The following PRDM10 variants were observed in gnomAD, a reference collection of about 807,000 sequenced individuals.
PRDM10 encodes the protein PR/SET domain 10.
A neutral mutation model predicts 133.1 loss-of-function variants in PRDM10; 65 were observed. The ratio of observed to expected loss-of-function variants is 0.49; its 90% CI spans 0.40 to 0.60. The LOEUF (loss-of-function observed/expected upper bound fraction) is 0.60, where lower values mean the gene tolerates loss of function less well. Among genes scored for constraint, PRDM10 ranks in the 20% least tolerant of loss-of-function variants. The pLI, the probability that PRDM10 is intolerant of heterozygous loss-of-function variation, is 0.00. For synonymous variants in PRDM10, 582 were observed against 580.4 expected (o/e 1.00, Z -0.04); for missense variants, 1,137 against 1,507.1 (o/e 0.75, Z 4.07).
At chr11:129,920,387 T>C (rs1950488766) in intron 13 of PRDM10, among the ~76,000 whole-genome samples, 1 of 152,152 alleles carries the variant, frequency 6.6e-6, no homozygotes, top group Non-Finnish European at 1.5e-5. Context: ...CCTCTCAAGC[T>C]GCAAATCTCC....
chr11:129,998,954 C>T (rs1429884714), intron 1 of PRDM10, among the ~76,000 whole-genome samples: 1 of 151,596 alleles, frequency 6.6e-6, no homozygotes, highest in Non-Finnish European at 1.5e-5. Flanking sequence ...TCCTGAGTAG[C>T]TGAGACTACA....
intron 1 of PRDM10, among the ~76,000 whole-genome samples, chr11:129,966,273 C>G (rs559766360): frequency 6.6e-6 from 1 of 152,074 alleles, no homozygotes; most frequent in South Asian, 2.1e-4. Flanking sequence ...AATAAAAAAT[C>G]CAAATTACCT....
At chr11:129,951,416 CCT>C (rs1310985925) in intron 4 of PRDM10, among the ~76,000 whole-genome samples, 1 of 152,156 alleles carries the variant, frequency 6.6e-6, no homozygotes, top group Non-Finnish European at 1.5e-5. Flanking sequence ...CACACATGTC[CCT>C]GAGGTCATAG....
At chr11:129,949,457 T>C (rs1174624985) in intron 4 of PRDM10, among the ~76,000 whole-genome samples, 1 of 152,226 alleles carries the variant, frequency 6.6e-6, no homozygotes, top group Non-Finnish European at 1.5e-5. Context: ...CTCCTCAAAT[T>C]TAAAAGATCG....
In PRDM10 at chr11:129,932,157, A is replaced by T. The variant is rs2135818194; in HGVS notation, c.1232T>A (p.Phe411Tyr). 6.2e-7 allele frequency: 1 copy of T among 1,613,922 alleles called. No homozygotes were observed. Among genetic ancestry groups the T allele is most frequent in the East Asian group, 2.2e-5 (1 of 44,882 alleles). The change falls in exon 10 of 21, where the codon TTT (phenylalanine) becomes TAT (tyrosine). Residue 411 changes from phenylalanine (F) to tyrosine (Y), a missense_variant. Coordinates refer to ENST00000360871, the MANE Select transcript of PRDM10 (RefSeq NM_199437.2). ...PGRRPGRPPK[F>Y]IRLEITSENG... The stretch of plus-strand genomic sequence containing the variant: ...TTCGCTGGTGATTTCCAGGCGGATA[A>T]ATTTTGGAGGACGCCCCGGCCGTCG...
chr11:129,931,974 A>G (rs1276033654), intron 10 of PRDM10, 128 bp downstream of exon 10: 1 of 1,205,200 alleles, frequency 8.3e-7, no homozygotes, highest in Non-Finnish European at 1.1e-6. Flanking sequence ...TCTTTAATTA[A>G]CAGGCAGCAA....
At chr11:129,958,041 T>G in intron 2 of PRDM10, 131 bp from the exon 3 acceptor site, 1 of 1,061,256 alleles carries the variant, frequency 9.4e-7, no homozygotes. Context: ...TACACCGAGG[T>G]GGTGACTAGG....
intron 2 of PRDM10, among the ~76,000 whole-genome samples, chr11:129,960,278 G>T (rs1421861494): frequency 6.6e-6 from 1 of 152,148 alleles, no homozygotes; most frequent in Non-Finnish European, 1.5e-5. Flanking sequence ...CATAAAACAT[G>T]GCTCCATATG....
chr11:129,935,705 A>G (rs955373634), intron 8 of PRDM10, among the ~76,000 whole-genome samples: 1 of 152,226 alleles, frequency 6.6e-6, no homozygotes, highest in South Asian at 2.1e-4. Flanking sequence ...ACTCCTACAT[A>G]CATACCCAAC....
chr11:129,937,201 C>G (rs1951062192), intron 8 of PRDM10, among the ~76,000 whole-genome samples: 1 of 152,166 alleles, frequency 6.6e-6, no homozygotes, highest in African/African-American at 2.4e-5. Flanking sequence ...GGTGTGTTCA[C>G]TTTGTGAAAA....
chr11:129,977,115 T>C (rs1412585228), intron 1 of PRDM10, among the ~76,000 whole-genome samples: 3 of 152,114 alleles, frequency 2.0e-5, no homozygotes, highest in Non-Finnish European at 4.4e-5. Context: ...CAACGTCACT[T>C]GCTCATTCCA....
At chr11:129,953,296 G>GTTT (rs1951625694) in intron 4 of PRDM10, among the ~76,000 whole-genome samples, 3 of 151,816 alleles carry the variant, frequency 2.0e-5, no homozygotes, top group South Asian at 2.1e-4. Context: ...TGTGTGTTTT[G>GTTT]TGTTTTGTTT....
At chr11:129,953,280 C>T (rs757962087) in intron 4 of PRDM10, among the ~76,000 whole-genome samples, 27 of 151,740 alleles carry the variant, frequency 1.8e-4, no homozygotes, top group Non-Finnish European at 3.4e-4. Context: ...ACCCAGCCGT[C>T]ATTTCTGTGT....
intron 10 of PRDM10, 137 bp from the exon 11 acceptor site, chr11:129,931,395 G>T: frequency 8.3e-7 from 1 of 1,199,372 alleles, no homozygotes; most frequent in South Asian, 1.6e-5. Flanking sequence ...AAGTTAATTA[G>T]GTAACTATGC....
chr11:129,915,227 T>A (rs1017913964), intron 16 of PRDM10, among the ~76,000 whole-genome samples: 1 of 152,078 alleles, frequency 6.6e-6, no homozygotes, highest in African/African-American at 2.4e-5. Flanking sequence ...AAACCTCACC[T>A]GACCTCACAC....
At chr11:129,960,073 TA>T (rs920443902) in intron 2 of PRDM10, among the ~76,000 whole-genome samples, 1 of 152,132 alleles carries the variant, frequency 6.6e-6, no homozygotes, top group Non-Finnish European at 1.5e-5. Flanking sequence ...TGAGACTTTT[TA>T]ATCATACCAG....
intron 1 of PRDM10, among the ~76,000 whole-genome samples, chr11:129,975,317 G>A (rs753204214): frequency 5.3e-5 from 8 of 152,010 alleles, no homozygotes; most frequent in East Asian, 1.9e-4. Context: ...GTCCCTACTC[G>A]GGAGGCTGAG....
In PRDM10 at chr11:129,948,210, C is replaced by T. The variant is rs1005217193; in HGVS notation, c.295-840G>A. On this transcript the variant is annotated intron_variant, in intron 4 of 20. Transcript: ENST00000360871. Reference sequence around the variant, plus strand: ...GTACCTTAAAAAGTTCTCCTGCCTCCAATCTAAGTGTTATGGGATTATACA... The same window carrying T: ...GTACCTTAAAAAGTTCTCCTGCCTCTAATCTAAGTGTTATGGGATTATACA... 4.9e-5 allele frequency: 20 copies of T among 407,032 alleles called. No individual in the cohort carries two copies. In the Admixed American group the frequency reaches 5.5e-4, roughly 11 times the overall value. The allele number at this position is 407,032 out of a possible 1,614,324, so 25.2% of individuals were successfully genotyped here.
intron 3 of PRDM10, among the ~76,000 whole-genome samples, chr11:129,956,687 G>C (rs1049148834): frequency 3.9e-5 from 6 of 152,176 alleles, no homozygotes; most frequent in African/African-American, 1.4e-4. Flanking sequence ...TTTTAATATA[G>C]GCAGGGGTAT....
Sources: gnomAD v4.1 joint callset for allele counts (sites outside exome capture counted in the v4.1 genomes callset) on GRCh38, gnomAD v4.1.1 for gene constraint, MANE v1.5 for transcripts, NCBI Gene and HGNC (gene_info 2026-07-23, HGNC 2026-07-21) for gene names.